MACROD2: variants seen among roughly 807,000 people sequenced by gnomAD.
MACROD2 encodes the protein ADP-ribose glycohydrolase MACROD2.
A neutral mutation model predicts 70.4 loss-of-function variants in MACROD2; 36 were observed. The observed-to-expected ratio is 0.51, with a 90% CI of 0.39 to 0.68. The LOEUF (loss-of-function observed/expected upper bound fraction) is 0.68, where lower values mean the gene tolerates loss of function less well. MACROD2 is among the 30% of genes least tolerant of loss of function. The pLI is 0.00. For synonymous variants in MACROD2, 172 were observed against 178.8 expected (o/e 0.96, Z 0.30); for missense variants, 496 against 538.4 (o/e 0.92, Z 0.78).
intron 3 of MACROD2, among the ~76,000 whole-genome samples, chr20:14,201,562 A>G (rs1047525258): frequency 3.3e-5 from 5 of 152,052 alleles, no homozygotes; most frequent in Non-Finnish European, 5.9e-5. Context: ...TGAGAACAAG[A>G]CAGGCGTGGT....
At chr20:14,755,610 G>C (rs1452450374) in intron 5 of MACROD2, among the ~76,000 whole-genome samples, 1 of 152,048 alleles carries the variant, frequency 6.6e-6, no homozygotes, top group African/African-American at 2.4e-5. Context: ...GCTTTGGAGA[G>C]GGTCAAAATT....
intron 8 of MACROD2, among the ~76,000 whole-genome samples, chr20:15,542,179 C>T (rs954470481): frequency 3.9e-5 from 6 of 152,134 alleles, no homozygotes; most frequent in African/African-American, 7.2e-5. Context: ...GGAGTCAGAT[C>T]GACATCTTCA....
In MACROD2 at chr20:14,954,788, T is replaced by C. The variant is rs13037622; in HGVS notation, c.418+269829T>C. Among the ~76,000 whole-genome samples, 4 of 119,832 alleles carry C rather than the reference T, an allele frequency of 3.3e-5. No individual in the cohort carries two copies. In the South Asian group the frequency reaches 1.1e-3, roughly 33 times the overall value. 78.6% of individuals were successfully genotyped at this position (119,832 alleles called of 152,430 possible). A position where few individuals can be genotyped will look rare whatever the true frequency, so the allele number is the denominator to read the frequency against. On this transcript the variant is annotated intron_variant, in intron 5 of 17. Coordinates refer to ENST00000684519, the MANE Select transcript of MACROD2 (RefSeq NM_001351661.2). ...TTTTATATAACATAAATTATAAATATATAAATATATAAATAAATTTTATAT... is the reference window on the plus strand; with the variant it reads ...TTTTATATAACATAAATTATAAATACATAAATATATAAATAAATTTTATAT...
rs117027850 is a variant in MACROD2 at position 15,815,849 on chromosome 20, T to A, written c.646-46896T>A. ...ATTCTAGAAGTTAACAGGGTTTGAG[T>A]TTTTTTCCATGATGTTGATTATTAG... is the stretch of plus-strand genomic sequence containing the variant. On this transcript the variant is annotated intron_variant, in intron 8 of 17. Coordinates refer to ENST00000684519, the MANE Select transcript of MACROD2 (RefSeq NM_001351661.2). 1.7e-3 allele frequency among the ~76,000 whole-genome samples: 253 copies of A among 152,212 alleles called. 1 individual carries two copies. The East Asian group carries it at 0.036, about 21-fold the overall frequency.
At chr20:15,957,179 T>C (rs1020932207) in intron 12 of MACROD2, among the ~76,000 whole-genome samples, 3 of 152,060 alleles carry the variant, frequency 2.0e-5, no homozygotes, top group African/African-American at 7.2e-5. Context: ...AGGAGGAAAA[T>C]GGTAGACATG....
chr20:14,958,243 T>C (rs1488540808), intron 5 of MACROD2, among the ~76,000 whole-genome samples: 1 of 152,212 alleles, frequency 6.6e-6, no homozygotes, highest in East Asian at 1.9e-4. Flanking sequence ...AGTATTTTTC[T>C]ATAAATGACA....
At chr20:14,857,995 A>G (rs967914748) in intron 5 of MACROD2, among the ~76,000 whole-genome samples, 6 of 151,630 alleles carry the variant, frequency 4.0e-5, no homozygotes, top group Admixed American at 3.9e-4. Context: ...TAATTTTTGT[A>G]TTTTTAGTAG....
chr20:15,290,023 T>A (rs915415672), intron 6 of MACROD2, among the ~76,000 whole-genome samples: 8 of 152,218 alleles, frequency 5.3e-5, no homozygotes, highest in Non-Finnish European at 1.0e-4. Context: ...AGGGATTCTC[T>A]GAATCTGTTT....
At chr20:15,957,619 A>G (rs540575381) in intron 12 of MACROD2, among the ~76,000 whole-genome samples, 87 of 152,290 alleles carry the variant, frequency 5.7e-4, no homozygotes, top group African/African-American at 1.8e-3. Flanking sequence ...CATTACTCCA[A>G]ATGTCACAAG....
chr20:15,046,200 T>TATAAGAAATTC (rs1491054043), intron 5 of MACROD2, among the ~76,000 whole-genome samples: 2 of 150,800 alleles, frequency 1.3e-5, no homozygotes, highest in African/African-American at 5.0e-5. Context: ...TATATATATA[T>TATAAGAAATTC]AAGAAATTCA....
intron 7 of MACROD2, among the ~76,000 whole-genome samples, chr20:15,490,686 A>C (rs1048079671): frequency 6.6e-6 from 1 of 152,190 alleles, no homozygotes; most frequent in Non-Finnish European, 1.5e-5. Context: ...AGAAAGTGGG[A>C]CCAGGGAGCC....
intron 5 of MACROD2, among the ~76,000 whole-genome samples, chr20:14,953,597 G>T (rs531981383): frequency 1.3e-5 from 2 of 152,266 alleles, no homozygotes; most frequent in East Asian, 3.9e-4. Context: ...AAGCCACCGT[G>T]CCCGGCCTCA....
At chr20:16,032,221 A>G (rs2067160747) in intron 15 of MACROD2, among the ~76,000 whole-genome samples, 1 of 152,092 alleles carries the variant, frequency 6.6e-6, no homozygotes, top group South Asian at 2.1e-4. Flanking sequence ...CATGGAATAA[A>G]TATGGGAACA....
At chr20:15,655,816 G>T (rs1051123640) in intron 8 of MACROD2, among the ~76,000 whole-genome samples, 1 of 152,158 alleles carries the variant, frequency 6.6e-6, no homozygotes, top group Non-Finnish European at 1.5e-5. Context: ...GGTCTGGAAG[G>T]CTTGCTCCTG....
intron 2 of MACROD2, among the ~76,000 whole-genome samples, chr20:14,008,921 C>T (rs924122010): frequency 6.6e-6 from 1 of 152,108 alleles, no homozygotes; most frequent in Non-Finnish European, 1.5e-5. Context: ...TAGTCATATG[C>T]AGAAAATTGA....
intron 5 of MACROD2, among the ~76,000 whole-genome samples, chr20:14,728,966 T>C (rs780200011): frequency 5.3e-5 from 8 of 152,178 alleles, no homozygotes; most frequent in Non-Finnish European, 1.0e-4. Context: ...TTAGGTTATA[T>C]ATTTAACACA....
At position 14,312,153 on chromosome 20, in the gene MACROD2, T is replaced by C. The variant is rs1303294464; in HGVS notation, c.272-181326T>C. 2.1e-4 allele frequency among the ~76,000 whole-genome samples: 32 copies of C among 152,132 alleles called. 1 individual carries two copies. The highest frequency in any genetic ancestry group is 2.1e-3 in the Admixed American group (32 of 15,266). Reference sequence around the variant, plus strand: ...TCAACTGACTCAGGGATTCTTAGCCTGCCTAGCCATAAGACTCCCCTGGAA... The same window carrying C: ...TCAACTGACTCAGGGATTCTTAGCCCGCCTAGCCATAAGACTCCCCTGGAA... On this transcript the variant is annotated intron_variant, in intron 3 of 17. Transcript: ENST00000684519.
chr20:14,510,603 A>G (rs1380801394), intron 4 of MACROD2, among the ~76,000 whole-genome samples: 1 of 152,076 alleles, frequency 6.6e-6, no homozygotes, highest in Non-Finnish European at 1.5e-5. Context: ...GTCTTGTCTC[A>G]GGAGAACTCA....
At chr20:14,504,624 T>G (rs997017207) in intron 4 of MACROD2, among the ~76,000 whole-genome samples, 1 of 152,220 alleles carries the variant, frequency 6.6e-6, no homozygotes, top group Non-Finnish European at 1.5e-5. Context: ...GGAAATAGCT[T>G]TACCCCTCAG....
Sources: gnomAD v4.1 joint callset for allele counts (sites outside exome capture counted in the v4.1 genomes callset) on GRCh38, gnomAD v4.1.1 for gene constraint, MANE v1.5 for transcripts, NCBI Gene and HGNC (gene_info 2026-07-23, HGNC 2026-07-21) for gene names.